Variants in HDGFL3 observed in about 807,000 individuals in gnomAD.
The protein encoded by HDGFL3 is hepatoma-derived growth factor-related protein 3.
A neutral mutation model predicts 27.6 loss-of-function variants in HDGFL3; 6 were observed. That is an observed-to-expected ratio of 0.22 (90% CI 0.12 to 0.43). The LOEUF (loss-of-function observed/expected upper bound fraction) is 0.43, where lower values mean the gene tolerates loss of function less well. Ranked by LOEUF, HDGFL3 falls within the 20% of genes least tolerant of loss-of-function variation. HDGFL3 has a pLI of 1.00. For missense variants in HDGFL3, 207 were observed against 250.1 expected (o/e 0.83, Z 1.16); for synonymous variants, 88 against 88.9 (o/e 0.99, Z 0.05).
At chr15:83,120,162 A>G (rs1299157338) in intron 3 of HDGFL3, 3 of 162,328 alleles carry the variant, frequency 1.8e-5, no homozygotes, top group Admixed American at 1.7e-4. Context: ...GTGTATGTAC[A>G]AGGGATTAAA....
In HDGFL3 at chr15:83,157,663, A is replaced by G. The variant is rs576430757; in HGVS notation, c.301-90T>C. The G allele has an allele frequency of 6.1e-5, 78 of 1,280,358 alleles. 2 individuals are homozygous for G. The South Asian group carries it at 1.0e-3, about 17-fold the overall frequency. The allele number at this position is 1,280,358 out of a possible 1,614,324, so 79.3% of individuals were successfully genotyped here. A position where few individuals can be genotyped will look rare whatever the true frequency, so the allele number is the denominator to read the frequency against. On this transcript the variant is annotated intron_variant, in intron 3 of 5. Coordinates refer to ENST00000299633, the MANE Select transcript of HDGFL3 (RefSeq NM_016073.4). Reference sequence around the variant, plus strand: ...AAGAACTACTCTGTTTTCATTTGAAAGGGTTCCGCTTACTCGGAAGATTTT... The same window carrying G: ...AAGAACTACTCTGTTTTCATTTGAAGGGGTTCCGCTTACTCGGAAGATTTT...
In HDGFL3 at chr15:83,138,303, T is replaced by C. The variant is rs562708130; in HGVS notation, c.*967A>G. On this transcript the variant is annotated 3_prime_UTR_variant, in exon 6 of 6. Transcript: ENST00000299633. ...GTTCCAAGGACAAGCATTAACAGGA[T>C]TGATAAAACCCAAACTGACTAAATG... 1.3e-4 allele frequency: 20 copies of C among 152,666 alleles called. No homozygotes were observed. Among genetic ancestry groups the C allele is most frequent in the East Asian group, 1.9e-4 (1 of 5,190 alleles). 9.5% of individuals were successfully genotyped at this position (152,666 alleles called of 1,614,324 possible). A position where few individuals can be genotyped will look rare whatever the true frequency, so the allele number is the denominator to read the frequency against.
intron 1 of HDGFL3, among the ~76,000 whole-genome samples, chr15:83,197,788 G>T (rs149187136): frequency 6.6e-6 from 1 of 152,110 alleles, no homozygotes; most frequent in East Asian, 1.9e-4. Flanking sequence ...ATTATAGGCC[G>T]GGCACGGTGG....
At position 83,204,183 on chromosome 15, in the gene HDGFL3, T is replaced by C. The variant is rs536041511; in HGVS notation, c.84+3148A>G. On this transcript the variant is annotated intron_variant, in intron 1 of 5. Transcript: ENST00000299633. ...GGTATTATGTCAATGTATTTATGTA[T>C]TTATATTATATATATGTATCACATA... is the stretch of plus-strand genomic sequence containing the variant. 5.9e-5 allele frequency among the ~76,000 whole-genome samples: 9 copies of C among 151,692 alleles called. No homozygotes were observed. The East Asian group carries it at 1.7e-3, about 29-fold the overall frequency.
At chr15:83,125,001 C>G (rs1567147789), downstream of HDGFL3, among the ~76,000 whole-genome samples, 1 of 152,176 alleles carries the variant, frequency 6.6e-6, no homozygotes, top group Non-Finnish European at 1.5e-5. Context: ...TACTCAGAAG[C>G]ATCTTCCTCC....
chr15:83,142,847 A>C (rs147759608), intron 5 of HDGFL3, among the ~76,000 whole-genome samples: 1 of 152,352 alleles, frequency 6.6e-6, no homozygotes, highest in Admixed American at 6.5e-5. Flanking sequence ...CAAAAATGTA[A>C]AAATGTCTTT....
At chr15:83,143,693 T>C (rs374488052) in intron 5 of HDGFL3, among the ~76,000 whole-genome samples, 47 of 152,098 alleles carry the variant, frequency 3.1e-4, no homozygotes, top group African/African-American at 7.0e-4. Flanking sequence ...GTGAAAGGCA[T>C]TGTATGACGG....
chr15:83,203,799 GTGTT>G (rs750996435), intron 1 of HDGFL3, among the ~76,000 whole-genome samples: 9 of 150,868 alleles, frequency 6.0e-5, no homozygotes, highest in Admixed American at 6.6e-5. Context: ...GTTTCTTTTT[GTGTT>G]TATTTTATGC....
In HDGFL3 at chr15:83,157,559, C is replaced by G; in HGVS notation, c.315G>C (p.Gln105His). The G allele has an allele frequency of 6.2e-7, 1 of 1,612,976 alleles. No individual in the cohort carries two copies. Among genetic ancestry groups the G allele is most frequent in the South Asian group, 1.1e-5 (1 of 90,674 alleles). ...CTTCTCCCTCAGTTTCTGAAGAGCT[C>G]TGTTGCTGAATTGCCTAAGAAATAA... Reference protein sequence around the residue: ...KFTGYQAIQQQSSSETEGEGG... With the variant: ...KFTGYQAIQQHSSSETEGEGG... Residue 105 changes from glutamine (Q) to histidine (H), a missense_variant, in exon 4 of 6, where the codon CAG (glutamine) becomes CAC (histidine). Coordinates refer to ENST00000299633, the MANE Select transcript of HDGFL3 (RefSeq NM_016073.4).
At chr15:83,115,186 C>G (rs557392886) in exon 4 of HDGFL3, 1 of 156,532 alleles carries the variant, frequency 6.4e-6, no homozygotes, top group Admixed American at 6.3e-5. Context: ...GGTGTGATCT[C>G]GGCTCACTGC....
chr15:83,207,633 G>C lies in HDGFL3; in HGVS notation c.-219C>G. ...AATCACGGCCCGGCAGCGGGGGAGG[G>C]GAGCCCCCGGCCGTTCGGCGCTCGC... On this transcript the variant is annotated 5_prime_UTR_variant, in exon 1 of 6. Coordinates refer to ENST00000299633, the MANE Select transcript of HDGFL3 (RefSeq NM_016073.4). The surrounding 1 kb of genome is among the most constrained non-coding windows in gnomAD (Gnocchi z 4.8). The C allele has an allele frequency of 9.0e-6, 2 of 222,292 alleles. No homozygotes were observed. 13.8% of individuals were successfully genotyped at this position (222,292 alleles called of 1,614,324 possible).
At chr15:83,191,935 C>CTTTTTTT (rs749998701) in intron 1 of HDGFL3, among the ~76,000 whole-genome samples, 3 of 106,714 alleles carry the variant, frequency 2.8e-5, no homozygotes, top group Non-Finnish European at 5.6e-5. Flanking sequence ...CTTATCTCTC[C>CTTTTTTT]TTTTTTTTTT....
chr15:83,115,289 T>G, exon 4 of HDGFL3: 1 of 217,914 alleles, frequency 4.6e-6, no homozygotes, highest in Non-Finnish European at 9.3e-6. Flanking sequence ...AGAAAATTTT[T>G]GTATTTTTAG....
At chr15:83,195,553 T>C (rs1021896428) in intron 1 of HDGFL3, among the ~76,000 whole-genome samples, 1 of 152,126 alleles carries the variant, frequency 6.6e-6, no homozygotes, top group Admixed American at 6.5e-5. Context: ...TTAATTTTTA[T>C]AATGCTAAGT....
Position 83,157,241 on chromosome 15 carries a change from T to G in HDGFL3, c.459+174A>C, listed in dbSNP as rs185569030. Reference sequence around the variant, plus strand: ...AGCCCTAAAGAGTCAATAGTCAGATTGCTCTAATATCTAAGGTTACCTGAC... The same window carrying G: ...AGCCCTAAAGAGTCAATAGTCAGATGGCTCTAATATCTAAGGTTACCTGAC... On this transcript the variant is annotated intron_variant, in intron 4 of 5. Transcript: ENST00000299633. 3.1e-4 allele frequency: 202 copies of G among 647,062 alleles called. No individual in the cohort carries two copies. In the African/African-American group the frequency reaches 3.4e-3, roughly 11 times the overall value. 40.1% of individuals were successfully genotyped at this position (647,062 alleles called of 1,614,324 possible). A position where few individuals can be genotyped will look rare whatever the true frequency, so the allele number is the denominator to read the frequency against.
In HDGFL3 at chr15:83,164,059, T is replaced by G. The variant is rs1416727025; in HGVS notation, c.101A>C (p.Glu34Ala). The G allele has an allele frequency of 3.7e-6, 6 of 1,606,344 alleles. No homozygotes were observed. The highest frequency in any genetic ancestry group is 5.1e-6 in the Non-Finnish European group (6 of 1,176,974). The change falls in exon 2 of 6, where the codon GAG becomes GCG. Residue 34 changes from glutamate to alanine, a missense_variant. Glu to Ala is a moderately radical substitution (Grantham distance 107, BLOSUM62 -1). Coordinates refer to ENST00000299633, the MANE Select transcript of HDGFL3 (RefSeq NM_016073.4). Reference sequence around the variant, plus strand: ...GTTTGCTGGAGGCTTCACAGCGCCCTCTGGGAGTTCATCAATCTATGAAAG... The same window carrying G: ...GTTTGCTGGAGGCTTCACAGCGCCCGCTGGGAGTTCATCAATCTATGAAAG... ...HWPARIDELP[E>A]GAVKPPANKY...
intron 5 of HDGFL3, among the ~76,000 whole-genome samples, chr15:83,145,351 CA>C (rs995130616): frequency 6.6e-6 from 1 of 152,084 alleles, no homozygotes; most frequent in Non-Finnish European, 1.5e-5. Flanking sequence ...TAGCCATTAG[CA>C]AAACTCCTAT....
intron 5 of HDGFL3, among the ~76,000 whole-genome samples, chr15:83,149,510 T>C (rs1426344910): frequency 6.6e-6 from 1 of 152,050 alleles, no homozygotes; most frequent in Non-Finnish European, 1.5e-5. Context: ...GCAGAACAGA[T>C]TGGTAACCTG....
At chr15:83,154,804 CAT>C (rs1408148465) in intron 4 of HDGFL3, among the ~76,000 whole-genome samples, 12 of 152,162 alleles carry the variant, frequency 7.9e-5, no homozygotes, top group Admixed American at 7.9e-4. Context: ...AATTCTAAAA[CAT>C]GTAACAGTTT....
Sources: gnomAD v4.1 joint callset for allele counts (sites outside exome capture counted in the v4.1 genomes callset) on GRCh38, gnomAD v4.1.1 for gene constraint, Gnocchi (gnomAD v3.1) non-coding constraint, MANE v1.5 for transcripts, NCBI Gene and HGNC (gene_info 2026-07-23, HGNC 2026-07-21) for gene names.